ASPH: variants seen among roughly 807,000 people sequenced by gnomAD.
The protein encoded by ASPH is aspartate beta-hydroxylase.
In ASPH, 100 loss-of-function variants were observed where a neutral mutation model predicts 118.4. The ratio of observed to expected loss-of-function variants is 0.84; its 90% CI spans 0.72 to 1.00. The LOEUF is 1.00. Among genes scored for constraint, ASPH ranks in the 50% least tolerant of loss-of-function variants. The probability of loss-of-function intolerance (pLI) is 0.00; values close to 1 mark genes in which losing one functional copy is unlikely to be tolerated. For synonymous variants in ASPH, 315 were observed against 325.6 expected (o/e 0.97, Z 0.35); for missense variants, 920 against 919.5 (o/e 1.00, Z -0.01).
At chr8:61,711,896 GGT>G (rs1838148555) in intron 1 of ASPH, among the ~76,000 whole-genome samples, 2 of 152,166 alleles carry the variant, frequency 1.3e-5, no homozygotes, top group Non-Finnish European at 2.9e-5. Context: ...AAATGTAATT[GGT>G]GATAGGACAA....
rs969385896 is a variant in ASPH at position 61,525,978 on chromosome 8, T to G, written c.1899A>C (p.Gln633His). The G allele has an allele frequency of 1.2e-6, 2 of 1,613,674 alleles. No homozygotes were observed. The highest frequency in any genetic ancestry group is 1.7e-6 in the Non-Finnish European group (2 of 1,179,874). The change falls in exon 22 of 25, where the codon CAA (glutamine) becomes CAC (histidine). Residue 633 changes from glutamine (Q) to histidine (H), a missense_variant and splice_region_variant. Gln to His is a conservative substitution (Grantham distance 24, BLOSUM62 0). Transcript: ENST00000379454. ...ACCATCTAGAAGTCAGAAACTCACC[T>G]TGCTGCCACAGCGTGAACTGGCTCC... Reference protein sequence around the residue: ...GDWSQFTLWQQGRRNENACKG... With the variant: ...GDWSQFTLWQHGRRNENACKG...
At chr8:61,555,664 T>C (rs1827603866) in intron 19 of ASPH, among the ~76,000 whole-genome samples, 1 of 152,224 alleles carries the variant, frequency 6.6e-6, no homozygotes, top group African/African-American at 2.4e-5. Flanking sequence ...TAAAAACTAA[T>C]AACAACTTCA....
chr8:61,651,459 A>C (rs762567053), intron 4 of ASPH: 3 of 210,622 alleles, frequency 1.4e-5, no homozygotes, highest in Non-Finnish European at 2.8e-5. Context: ...ATAATGATAA[A>C]ATAAAGTGGG....
At chr8:61,581,287 CAATTCTAATTT>C (rs1462917924) in intron 15 of ASPH, among the ~76,000 whole-genome samples, 2 of 152,162 alleles carry the variant, frequency 1.3e-5, no homozygotes, top group Non-Finnish European at 2.9e-5. Flanking sequence ...CACTATTGCT[CAATTCTAATTT>C]AAAAACTCAG....
In ASPH at chr8:61,692,985, C is replaced by T. The variant is rs147821967; in HGVS notation, c.104-8797G>A. Among the ~76,000 whole-genome samples the T allele has an allele frequency of 7.8e-4, 119 of 151,716 alleles. 1 individual carries two copies. The highest frequency in any genetic ancestry group is 2.8e-3 in the African/African-American group (115 of 41,352). On this transcript the variant is annotated intron_variant, in intron 1 of 24. Coordinates refer to ENST00000379454, the MANE Select transcript of ASPH (RefSeq NM_004318.4). ...GAAAAAAAGAAAACGATGACATCAA[C>T]AACAAAACCCTGCTCCCTGCTCCTC... is the stretch of plus-strand genomic sequence containing the variant.
intron 21 of ASPH, among the ~76,000 whole-genome samples, chr8:61,529,181 A>T (rs1275633375): frequency 6.6e-6 from 1 of 152,110 alleles, no homozygotes; most frequent in Non-Finnish European, 1.5e-5. Context: ...TCTCCTCCTC[A>T]ATTAGAGAAG....
intron 1 of ASPH, among the ~76,000 whole-genome samples, chr8:61,690,912 AGT>A (rs146322501): frequency 4.0e-5 from 6 of 151,126 alleles, no homozygotes; most frequent in East Asian, 1.9e-4. Context: ...TCCGTCTGAG[AGT>A]GTGTGTGTGT....
chr8:61,682,323 G>A (rs1195254749), intron 2 of ASPH: 3 of 1,068,884 alleles, frequency 2.8e-6, no homozygotes, highest in African/African-American at 3.3e-5. Context: ...AACCCATAAT[G>A]GGAAATTGGT....
At chr8:61,561,148 T>G (rs114869348) in intron 18 of ASPH, among the ~76,000 whole-genome samples, 4 of 115,468 alleles carry the variant, frequency 3.5e-5, no homozygotes, top group African/African-American at 1.1e-4. Flanking sequence ...GGAAGGAAGT[T>G]AGGAATTCTA....
At chr8:61,649,249 G>T (rs1300429838) in intron 5 of ASPH, among the ~76,000 whole-genome samples, 2 of 152,130 alleles carry the variant, frequency 1.3e-5, no homozygotes, top group African/African-American at 4.8e-5. Flanking sequence ...TGTGAGGGGA[G>T]AAGAAAAATC....
chr8:61,673,754 T>C (rs1589031018), intron 3 of ASPH, among the ~76,000 whole-genome samples: 1 of 152,270 alleles, frequency 6.6e-6, no homozygotes, highest in East Asian at 1.9e-4. Context: ...TTTGATCAGC[T>C]TTGAGATACT....
intron 14 of ASPH, among the ~76,000 whole-genome samples, chr8:61,611,506 T>C (rs1847360969): frequency 6.6e-6 from 1 of 152,202 alleles, no homozygotes; most frequent in Non-Finnish European, 1.5e-5. Flanking sequence ...CTGACTACTA[T>C]AAAAATCTAC....
chr8:61,680,033 T>C (rs1025978032), intron 3 of ASPH, among the ~76,000 whole-genome samples: 3 of 151,450 alleles, frequency 2.0e-5, no homozygotes, highest in African/African-American at 7.3e-5. Context: ...ATTTTCATAT[T>C]TGGAACTTTA....
At position 61,524,892 on chromosome 8, in the gene ASPH, C is replaced by T. The variant is rs560631992; in HGVS notation, c.1900+1085G>A. 4.3e-4 allele frequency among the ~76,000 whole-genome samples: 65 copies of T among 152,198 alleles called. 1 individual carries two copies. In the Middle Eastern group the frequency reaches 0.027, roughly 64 times the overall value. The stretch of plus-strand genomic sequence containing the variant: ...ATGGAATCAAAGTACAAGGTGAACA[C>T]ATAAGTGCCAATAGAATGGACTCAT... On this transcript the variant is annotated intron_variant, in intron 22 of 24. Coordinates refer to ENST00000379454, the MANE Select transcript of ASPH (RefSeq NM_004318.4).
intron 18 of ASPH, among the ~76,000 whole-genome samples, chr8:61,558,420 G>A (rs1441619940): frequency 6.6e-6 from 1 of 152,190 alleles, no homozygotes; most frequent in Non-Finnish European, 1.5e-5. Flanking sequence ...AGAAGAGACT[G>A]GAGAAAAGGC....
intron 1 of ASPH, among the ~76,000 whole-genome samples, chr8:61,697,455 T>C (rs1438864980): frequency 6.6e-6 from 1 of 152,150 alleles, no homozygotes; most frequent in Non-Finnish European, 1.5e-5. Flanking sequence ...TCTGACACTA[T>C]CTACTTGCAG....
chr8:61,579,444 A>G (rs1836642196), intron 15 of ASPH: 4 of 1,610,372 alleles, frequency 2.5e-6, no homozygotes, highest in Admixed American at 1.7e-5. Flanking sequence ...GATGCAGAAC[A>G]TGAGTATTCA....
At chr8:61,577,708 C>T (rs772928252) in intron 15 of ASPH, among the ~76,000 whole-genome samples, 14 of 152,058 alleles carry the variant, frequency 9.2e-5, no homozygotes, top group Non-Finnish European at 1.6e-4. Flanking sequence ...GAGTGAGGAG[C>T]GAAGGGGGAA....
At chr8:61,708,140 G>A (rs1255086845) in intron 1 of ASPH, among the ~76,000 whole-genome samples, 2 of 152,100 alleles carry the variant, frequency 1.3e-5, no homozygotes, top group African/African-American at 2.4e-5. Flanking sequence ...CAGTACATGG[G>A]CATCCACTGC....
Sources: allele counts gnomAD v4.1 joint callset (sites outside exome capture counted in the v4.1 genomes callset), GRCh38; gene constraint gnomAD v4.1.1; transcripts MANE v1.5; gene names NCBI Gene and HGNC (gene_info 2026-07-23, HGNC 2026-07-21).